COG5: variants seen among roughly 807,000 people sequenced by gnomAD.
COG5 encodes component of oligomeric golgi complex 5.
Under a neutral mutation model 110.4 loss-of-function variants are expected in COG5, and 86 were observed. The observed-to-expected ratio is 0.78, with a 90% confidence interval of 0.65 to 0.93. The LOEUF (loss-of-function observed/expected upper bound fraction) is 0.93. Among genes scored for constraint, COG5 ranks in the 40% least tolerant of loss-of-function variants. The probability of loss-of-function intolerance (pLI) is 0.00; values close to 1 mark genes in which losing one functional copy is unlikely to be tolerated. For missense variants in COG5, 1,077 were observed against 987.0 expected (o/e 1.09, Z -1.22); for synonymous variants, 360 against 334.6 (o/e 1.08, Z -0.83).
chr7:107,534,710 A>G (rs1318140675), intron 5 of COG5, among the ~76,000 whole-genome samples: 1 of 151,540 alleles, frequency 6.6e-6, no homozygotes, highest in Non-Finnish European at 1.5e-5. Flanking sequence ...ACTCCCAGAC[A>G]GTAACAGTGG....
At position 107,258,258 on chromosome 7, in the gene COG5, TAATAA is replaced by T. The variant is rs754872963; in HGVS notation, c.1686+10_1686+14del. The stretch of plus-strand genomic sequence containing the variant: ...ATTTAAAATTAAGTAAAAAAAAACT[TAATAA>T]AATAGTTACCTTTGTTACTGATTGG... On this transcript the variant is annotated intron_variant, in intron 15 of 21. Transcript: ENST00000297135. 4.7e-6 allele frequency: 7 copies of T among 1,499,030 alleles called. No individual in the cohort carries two copies. Among genetic ancestry groups the T allele is most frequent in the South Asian group, 2.3e-5 (2 of 88,012 alleles). The allele number at this position is 1,499,030 out of a possible 1,614,324, so 92.9% of individuals were successfully genotyped here.
rs886446997 is a variant in COG5 at position 107,258,285 on chromosome 7, T to G, written c.1674A>C (p.Gln558His). Residue 558 changes from glutamine to histidine, a missense_variant, in exon 15 of 22, where the codon CAA becomes CAC. Transcript: ENST00000297135. ...AVVNSLYKLH[Q>H]SVTKVVSSQS... Reference sequence around the variant, plus strand: ...ATAAAATAGTTACCTTTGTTACTGATTGGTGCAACTTATACAATGAATTCA... The same window carrying G: ...ATAAAATAGTTACCTTTGTTACTGAGTGGTGCAACTTATACAATGAATTCA... The G allele has an allele frequency of 1.2e-6, 2 of 1,600,058 alleles. No individual in the cohort carries two copies. The highest frequency in any genetic ancestry group is 1.7e-6 in the Non-Finnish European group (2 of 1,167,330).
intron 6 of COG5, among the ~76,000 whole-genome samples, chr7:107,485,475 T>A (rs1797603625): frequency 6.6e-6 from 1 of 152,228 alleles, no homozygotes; most frequent in Admixed American, 6.5e-5. Context: ...GGGTACTATT[T>A]ATATTAACAC....
chr7:107,232,634 C>T (rs1036479249), intron 18 of COG5, among the ~76,000 whole-genome samples: 7 of 152,068 alleles, frequency 4.6e-5, no homozygotes, highest in Admixed American at 2.6e-4. Flanking sequence ...ATTTCTATGC[C>T]GCAGGACAAT....
At chr7:107,555,473 A>C (rs899033379) in intron 2 of COG5, among the ~76,000 whole-genome samples, 1 of 152,134 alleles carries the variant, frequency 6.6e-6, no homozygotes, top group Non-Finnish European at 1.5e-5. Context: ...ATATCTACTC[A>C]AAGTATTACT....
At chr7:107,466,090 T>C (rs1584859685) in intron 6 of COG5, among the ~76,000 whole-genome samples, 1 of 152,138 alleles carries the variant, frequency 6.6e-6, no homozygotes, top group East Asian at 1.9e-4. Flanking sequence ...AATGGGGTGA[T>C]GGAGCACAAA....
At chr7:107,369,916 T>A (rs1813975928) in intron 8 of COG5, among the ~76,000 whole-genome samples, 1 of 152,170 alleles carries the variant, frequency 6.6e-6, no homozygotes, top group Non-Finnish European at 1.5e-5. Context: ...ATTTCCTTAA[T>A]AACTAGTTCA....
intron 21 of COG5, among the ~76,000 whole-genome samples, chr7:107,204,075 AT>A (rs1798566614): frequency 6.6e-6 from 1 of 152,218 alleles, no homozygotes; most frequent in Non-Finnish European, 1.5e-5. Flanking sequence ...ACACCAGTAG[AT>A]GCATTATATT....
At position 107,288,179 on chromosome 7, in the gene COG5, C is replaced by T. The variant is rs80005716; in HGVS notation, c.1314-4447G>A. On this transcript the variant is annotated intron_variant, in intron 12 of 21. Transcript: ENST00000297135. ...AGAAGTTCAAGACCAGCCTGTGCAA[C>T]AAAGTTAAACCTCGCCGCTACAAAA... Among the ~76,000 whole-genome samples, 66 of 152,158 alleles carry T rather than the reference C, an allele frequency of 4.3e-4. No individual in the cohort carries two copies. The East Asian group carries it at 0.013, about 29-fold the overall frequency.
rs1015286259 is a variant in COG5, at chr7:107,201,900, C to T, written c.*1616G>A. The stretch of plus-strand genomic sequence containing the variant: ...GAGTCGGCCTTTCCTCTAGTAACCA[C>T]CACATGGCTCAGCATCTGTGCCAAA... On this transcript the variant is annotated 3_prime_UTR_variant, in exon 22 of 22. Transcript: ENST00000297135. 6.5e-6 allele frequency: 1 copy of T among 153,150 alleles called. No individual in the cohort carries two copies. Among genetic ancestry groups the T allele is most frequent in the Non-Finnish European group, 1.5e-5 (1 of 68,470 alleles). 9.5% of individuals were successfully genotyped at this position (153,150 alleles called of 1,614,324 possible). A position where few individuals can be genotyped will look rare whatever the true frequency, so the allele number is the denominator to read the frequency against.
chr7:107,315,467 TAG>T lies in COG5; in HGVS notation c.1108+8971_1108+8972del, dbSNP rs1808648105. The stretch of plus-strand genomic sequence containing the variant: ...GAGACTAATACTGCACAAGGGGTTT[TAG>T]ACATGTAAAAAGAGATGTACTTGCT... On this transcript the variant is annotated intron_variant, in intron 11 of 21. Coordinates refer to ENST00000297135, the MANE Select transcript of COG5 (RefSeq NM_006348.5). Among the ~76,000 whole-genome samples the T allele has an allele frequency of 2.0e-5, 3 of 152,272 alleles. No individual in the cohort carries two copies. In the South Asian group the frequency reaches 6.2e-4, roughly 32 times the overall value.
At chr7:107,350,159 C>T (rs932217860) in intron 10 of COG5, among the ~76,000 whole-genome samples, 3 of 152,138 alleles carry the variant, frequency 2.0e-5, no homozygotes, top group African/African-American at 7.2e-5. Flanking sequence ...TTTAGAGTTT[C>T]CTGGCTTTCT....
chr7:107,513,947 T>C (rs1424493597), intron 6 of COG5, among the ~76,000 whole-genome samples: 6 of 151,986 alleles, frequency 3.9e-5, no homozygotes, highest in South Asian at 2.1e-4. Context: ...TACCTAATGC[T>C]AAATGACGAG....
chr7:107,442,658 A>C (rs1794787614), intron 6 of COG5, among the ~76,000 whole-genome samples: 1 of 151,906 alleles, frequency 6.6e-6, no homozygotes, highest in South Asian at 2.1e-4. Context: ...AAAAAAAAAA[A>C]AAGTCTATAC....
chr7:107,339,177 A>T (rs1810970095), intron 10 of COG5, among the ~76,000 whole-genome samples: 1 of 152,236 alleles, frequency 6.6e-6, no homozygotes, highest in Admixed American at 6.5e-5. Context: ...AAAGGGTTGG[A>T]GAAAGATCAC....
At chr7:107,383,837 GT>G (rs1330603444) in intron 7 of COG5, among the ~76,000 whole-genome samples, 2 of 152,040 alleles carry the variant, frequency 1.3e-5, no homozygotes, top group Non-Finnish European at 2.9e-5. Context: ...ATAGGTAACT[GT>G]GCCTCTGTAC....
At position 107,231,290 on chromosome 7, in the gene COG5, T is replaced by C. The variant is rs139648364; in HGVS notation, c.2092-599A>G. Among the ~76,000 whole-genome samples, 416 of 152,342 alleles carry C rather than the reference T, an allele frequency of 2.7e-3. 3 individuals are homozygous for C. The highest frequency in any genetic ancestry group is 6.8e-3 in the Middle Eastern group (2 of 294). The stretch of plus-strand genomic sequence containing the variant: ...ATAATCCCACAAAGCTTTATGTGCA[T>C]AGCATATAAGTGCTGTTAATTGTCA... On this transcript the variant is annotated intron_variant, in intron 18 of 21. Coordinates refer to ENST00000297135, the MANE Select transcript of COG5 (RefSeq NM_006348.5).
intron 6 of COG5, among the ~76,000 whole-genome samples, chr7:107,523,047 GC>G (rs199874665): frequency 0.015 from 2,248 of 152,170 alleles, 56 homozygotes; most frequent in African/African-American, 0.052. Flanking sequence ...ATTTCTAAAA[GC>G]CCCCCTGGAA....
At position 107,309,967 on chromosome 7, in the gene COG5, A is replaced by G. The variant is rs372146742; in HGVS notation, c.1109-11621T>C. Among the ~76,000 whole-genome samples, 96 of 152,330 alleles carry G rather than the reference A, an allele frequency of 6.3e-4. 2 individuals are homozygous for G. The South Asian group carries it at 0.016, about 26-fold the overall frequency. On this transcript the variant is annotated intron_variant, in intron 11 of 21. Transcript: ENST00000297135. ...GTTTATCCTTCAGTTTTTTAAAAAT[A>G]TAAGGAAAATGTATATTTATGTCAC...
Sources: allele counts gnomAD v4.1 joint callset (sites outside exome capture counted in the v4.1 genomes callset), GRCh38; gene constraint gnomAD v4.1.1; transcripts MANE v1.5; gene names NCBI Gene and HGNC (gene_info 2026-07-23, HGNC 2026-07-21).